Variants in SFI1 observed in about 807,000 individuals in gnomAD.
SFI1 encodes the protein SFI1 centrin binding protein, also known as protein SFI1 homolog.
SFI1 carries 195 observed loss-of-function variants against 207.5 expected under a neutral mutation model. The ratio of observed to expected loss-of-function variants is 0.94; its 90% CI spans 0.84 to 1.06. The LOEUF is 1.06. Among genes scored for constraint, SFI1 ranks in the 50% least tolerant of loss-of-function variants. SFI1 has a pLI of 0.00. For missense variants in SFI1, 1,634 were observed against 1,588.0 expected (o/e 1.03, Z -0.49); for synonymous variants, 630 against 598.9 (o/e 1.05, Z -0.76).
chr22:31,562,000 T>C (rs1383112235), intron 8 of SFI1, among the ~76,000 whole-genome samples: 2 of 152,204 alleles, frequency 1.3e-5, no homozygotes, highest in Non-Finnish European at 2.9e-5. Flanking sequence ...TGTTTCCAAA[T>C]GTAGGAATAG....
chr22:31,611,905 C>T (rs2070220099), intron 24 of SFI1, 65 bp downstream of exon 24: 5 of 1,597,332 alleles, frequency 3.1e-6, no homozygotes, highest in Admixed American at 1.7e-5. Context: ...GAGGCCTGGG[C>T]AGTGAATGAC....
At chr22:31,552,964 C>T (rs899162249) in intron 6 of SFI1, among the ~76,000 whole-genome samples, 7 of 152,214 alleles carry the variant, frequency 4.6e-5, no homozygotes, top group African/African-American at 1.7e-4. Context: ...CCACCTCAGA[C>T]TCCTGAGTAG....
At position 31,580,285 on chromosome 22, in the gene SFI1, G is replaced by A. The variant is rs1344666267; in HGVS notation, c.1169G>A (p.Arg390Lys). ...HRHSQLYFCFRALKDNVTHAH... is the reference protein window; with the variant it reads ...HRHSQLYFCFKALKDNVTHAH... ...TTCTTTGCACAGTATTTTTGCTTTA[G>A]AGCCCTAAAAGACAATGTGACCCAC... The change falls in exon 12 of 33, where the codon AGA becomes AAA. Residue 390 changes from arginine to lysine, a missense_variant. Coordinates refer to ENST00000400288, the MANE Select transcript of SFI1 (RefSeq NM_001007467.3). 3 of 1,613,556 alleles carry A rather than the reference G, an allele frequency of 1.9e-6. No individual in the cohort carries two copies. In the African/African-American group the frequency reaches 4.0e-5, roughly 22 times the overall value.
In SFI1 at chr22:31,553,838, G is replaced by GTTTTTTTTTTTTTTTTTTTTTTTTTTTTT. The variant is rs58333559; in HGVS notation, c.545-3102_545-3074dup. Reference sequence around the variant, plus strand: ...ATTCTATTTTTTTTTAATGGATTATGTTTTTTTTTTTTTTTTTTTTTTTTT... The same window carrying GTTTTTTTTTTTTTTTTTTTTTTTTTTTTT: ...ATTCTATTTTTTTTTAATGGATTATGTTTTTTTTTTTTTTTTTTTTTTTTTTTTTTTTTTTTTTTTTTTTTTTTTTTTTT... On this transcript the variant is annotated intron_variant, in intron 6 of 32. Coordinates refer to ENST00000400288, the MANE Select transcript of SFI1 (RefSeq NM_001007467.3). 1.5e-4 allele frequency among the ~76,000 whole-genome samples: 4 copies of GTTTTTTTTTTTTTTTTTTTTTTTTTTTTT among 26,310 alleles called. 1 individual carries two copies. Among genetic ancestry groups the GTTTTTTTTTTTTTTTTTTTTTTTTTTTTT allele is most frequent in the African/African-American group, 3.8e-4 (3 of 7,970 alleles). 17.3% of individuals were successfully genotyped at this position (26,310 alleles called of 152,430 possible). A position where few individuals can be genotyped will look rare whatever the true frequency, so the allele number is the denominator to read the frequency against.
intron 3 of SFI1, 148 bp from the exon 4 acceptor site, chr22:31,530,910 G>T: frequency 1.6e-6 from 1 of 626,876 alleles, no homozygotes; most frequent in Non-Finnish European, 2.8e-6. Context: ...TGCCCTGTAT[G>T]ATGCAAAATT....
Position 31,614,958 on chromosome 22 carries a change from C to T in SFI1, c.3069-90C>T, listed in dbSNP as rs555683757. ...ATGTGGGGCCTGTGTTTTGGCAGCC[C>T]TGGGGTGGGTGGCCCCCTTTCCTTC... On this transcript the variant is annotated intron_variant, in intron 28 of 32. Coordinates refer to ENST00000400288, the MANE Select transcript of SFI1 (RefSeq NM_001007467.3). The T allele has an allele frequency of 1.4e-4, 228 of 1,576,054 alleles. No homozygotes were observed. The African/African-American group carries it at 2.6e-3, about 18-fold the overall frequency.
intron 5 of SFI1, among the ~76,000 whole-genome samples, chr22:31,548,629 C>G (rs960519066): frequency 1.3e-5 from 2 of 148,670 alleles, no homozygotes; most frequent in African/African-American, 5.0e-5. Flanking sequence ...GGCAACAAAG[C>G]AAGACTCCGT....
chr22:31,497,467 T>C (rs1028207826), intron 1 of SFI1: 1 of 152,210 alleles, frequency 6.6e-6, no homozygotes, highest in Non-Finnish European at 1.5e-5. Context: ...CTCACTGGTA[T>C]AAGACAGCAA....
chr22:31,599,195 G>T lies in SFI1; in HGVS notation c.1545-3017G>T, dbSNP rs2067704407. Among the ~76,000 whole-genome samples the T allele has an allele frequency of 4.6e-5, 7 of 152,096 alleles. 1 individual carries two copies. In the South Asian group the frequency reaches 1.5e-3, roughly 32 times the overall value. ...ATATTTTCCTATATTTTATCTGGAA[G>T]CTTTATAGTTTTAGCATTTACATTT... On this transcript the variant is annotated intron_variant, in intron 15 of 32. Coordinates refer to ENST00000400288, the MANE Select transcript of SFI1 (RefSeq NM_001007467.3).
chr22:31,570,767 A>C (rs1388664511), intron 8 of SFI1, among the ~76,000 whole-genome samples: 1 of 152,062 alleles, frequency 6.6e-6, no homozygotes, highest in Non-Finnish European at 1.5e-5. Context: ...GGGTGGGTGA[A>C]AAAATAAAAG....
intron 6 of SFI1, among the ~76,000 whole-genome samples, chr22:31,551,315 A>G (rs1390391550): frequency 6.6e-6 from 1 of 152,052 alleles, no homozygotes; most frequent in African/African-American, 2.4e-5. Context: ...CTGGATGTGC[A>G]CTTCTTTATC....
chr22:31,513,449 C>G (rs11913456), intron 2 of SFI1, among the ~76,000 whole-genome samples: 3,561 of 152,194 alleles, frequency 0.023, 126 homozygotes, highest in African/African-American at 0.081. Flanking sequence ...CTGCACCCAG[C>G]CTTGACATTT....
At chr22:31,586,496 G>C (rs1015705731) in intron 14 of SFI1, among the ~76,000 whole-genome samples, 1 of 152,220 alleles carries the variant, frequency 6.6e-6, no homozygotes, top group Non-Finnish European at 1.5e-5. Context: ...TAAGTCGATA[G>C]AGCTTGGATG....
At chr22:31,506,049 CT>C (rs1164240180) in intron 1 of SFI1, among the ~76,000 whole-genome samples, 191 of 138,262 alleles carry the variant, frequency 1.4e-3, no homozygotes, top group South Asian at 5.1e-3. Flanking sequence ...GAAATCCTGT[CT>C]TTTTTTTTTT....
intron 15 of SFI1, among the ~76,000 whole-genome samples, chr22:31,595,356 A>G (rs904647657): frequency 1.3e-5 from 2 of 152,226 alleles, no homozygotes; most frequent in Admixed American, 6.5e-5. Flanking sequence ...GCATTGTGTG[A>G]TGGGAGACAG....
chr22:31,602,556 G>A, intron 16 of SFI1, 51 bp from the exon 17 acceptor site: 1 of 1,590,780 alleles, frequency 6.3e-7, no homozygotes, highest in Non-Finnish European at 8.6e-7. Context: ...TGGCTTCTGT[G>A]CCTCTCTCCT....
chr22:31,530,489 CAA>C (rs3069094), intron 3 of SFI1: 1,857 of 113,228 alleles, frequency 0.016, no homozygotes, highest in South Asian at 0.034. Context: ...AACTCTGTCT[CAA>C]AAAAAAAAAA....
chr22:31,545,289 C>T (rs1038428463), intron 4 of SFI1, among the ~76,000 whole-genome samples: 141 of 150,864 alleles, frequency 9.3e-4, no homozygotes, highest in African/African-American at 3.2e-3. Context: ...CGCTTGAAGC[C>T]GGGAGGCAGA....
chr22:31,603,987 C>T (rs971929752), intron 18 of SFI1, among the ~76,000 whole-genome samples, 168 bp downstream of exon 18: 4 of 152,150 alleles, frequency 2.6e-5, no homozygotes, highest in African/African-American at 9.7e-5. Context: ...TGATTTGGCT[C>T]AAAATTTTGT....
Sources: allele counts gnomAD v4.1 joint callset (sites outside exome capture counted in the v4.1 genomes callset), GRCh38; gene constraint gnomAD v4.1.1; transcripts MANE v1.5; gene names NCBI Gene and HGNC (gene_info 2026-07-23, HGNC 2026-07-21).